Variants in NWD2 observed in about 807,000 individuals in gnomAD.
The protein encoded by NWD2 is NACHT and WD repeat domain containing 2, also known as NACHT and WD repeat domain-containing protein 2.
A neutral mutation model predicts 132.7 loss-of-function variants in NWD2; 37 were observed. The observed-to-expected ratio is 0.28, with a 90% CI of 0.21 to 0.37. The LOEUF (loss-of-function observed/expected upper bound fraction) is 0.37. Ranked by LOEUF, NWD2 falls within the 10% of genes least tolerant of loss-of-function variation. The pLI, the probability that NWD2 is intolerant of heterozygous loss-of-function variation, is 1.00. For missense variants in NWD2, 1,592 were observed against 2,122.4 expected (o/e 0.75, Z 4.91); for synonymous variants, 705 against 803.0 (o/e 0.88, Z 2.06).
At chr4:37,250,008 T>C (rs7669853) in intron 1 of NWD2, among the ~76,000 whole-genome samples, 33,616 of 152,182 alleles carry the variant, frequency 0.22, 3,816 homozygotes, top group South Asian at 0.37. Context: ...GGCAGACATA[T>C]CTGCATTAAG....
chr4:37,294,010 T>C (rs368156750), intron 1 of NWD2, among the ~76,000 whole-genome samples: 1 of 152,132 alleles, frequency 6.6e-6, no homozygotes, highest in African/African-American at 2.4e-5. Context: ...CTATAGGCTA[T>C]AGTAAGAAGA....
At chr4:37,283,504 A>C (rs1477723655) in intron 1 of NWD2, among the ~76,000 whole-genome samples, 2 of 152,202 alleles carry the variant, frequency 1.3e-5, no homozygotes, top group African/African-American at 4.8e-5. Flanking sequence ...TACACTTATT[A>C]CTACAGTTTA....
Position 37,444,206 on chromosome 4 carries a change from A to AT in NWD2, c.2219dup (p.Ala741SerfsTer9). ...CTGGGCCAACAGACACCTGCAGCTC[A>AT]TAGCCCAGAAGCTATATCTGCAGGA... is the stretch of plus-strand genomic sequence containing the variant. On this transcript the variant is annotated frameshift_variant, in exon 7 of 7. Coordinates refer to ENST00000309447, the MANE Select transcript of NWD2 (RefSeq NM_001144990.2). LOFTEE classifies it high-confidence loss of function. This position sits in a 1 kb window ranked among gnomAD's most constrained non-coding sequence, Gnocchi z 4.8. 6.5e-7 allele frequency: 1 copy of AT among 1,549,346 alleles called. No individual in the cohort carries two copies. Among genetic ancestry groups the AT allele is most frequent in the Non-Finnish European group, 8.7e-7 (1 of 1,144,830 alleles).
At chr4:37,368,761 G>A (rs527241325) in intron 3 of NWD2, among the ~76,000 whole-genome samples, 1 of 152,098 alleles carries the variant, frequency 6.6e-6, no homozygotes, top group Non-Finnish European at 1.5e-5. Context: ...GTTAGTGACA[G>A]GGCATTATGG....
intron 5 of NWD2, among the ~76,000 whole-genome samples, chr4:37,437,911 G>A (rs916598446): frequency 2.0e-5 from 3 of 152,108 alleles, no homozygotes; most frequent in African/African-American, 7.2e-5. Flanking sequence ...TATTATAACA[G>A]TGACATAGAT....
At chr4:37,309,257 G>A (rs542900205) in intron 1 of NWD2, among the ~76,000 whole-genome samples, 3 of 152,282 alleles carry the variant, frequency 2.0e-5, no homozygotes, top group African/African-American at 7.2e-5. Context: ...GAGTGCACAC[G>A]AGCATGTGGC....
chr4:37,320,478 A>C (rs1018698475), intron 1 of NWD2, among the ~76,000 whole-genome samples: 1 of 152,214 alleles, frequency 6.6e-6, no homozygotes, highest in African/African-American at 2.4e-5. Context: ...TCAAGCAAAT[A>C]GACTTTTTGC....
chr4:37,291,340 T>G (rs1718356029), intron 1 of NWD2, among the ~76,000 whole-genome samples: 1 of 152,162 alleles, frequency 6.6e-6, no homozygotes, highest in Admixed American at 6.6e-5. Context: ...GAAAAAAATC[T>G]ACGGTGATTC....
At chr4:37,247,924 G>A (rs1214079361) in intron 1 of NWD2, among the ~76,000 whole-genome samples, 1 of 152,042 alleles carries the variant, frequency 6.6e-6, no homozygotes, top group African/African-American at 2.4e-5. Context: ...AATTTCTTTA[G>A]AATGAAAAAA....
At chr4:37,248,101 A>T (rs1717282072) in intron 1 of NWD2, among the ~76,000 whole-genome samples, 2 of 152,192 alleles carry the variant, frequency 1.3e-5, no homozygotes, top group South Asian at 4.1e-4. Context: ...AGAGTGAAAG[A>T]GTAGAGCCTA....
chr4:37,385,264 A>G (rs1577686085), intron 3 of NWD2, among the ~76,000 whole-genome samples: 1 of 152,146 alleles, frequency 6.6e-6, no homozygotes, highest in African/African-American at 2.4e-5. Context: ...TAAATATTAC[A>G]TCTTTCTTTC....
In NWD2 at chr4:37,444,597, T is replaced by C. The variant is rs574191800; in HGVS notation, c.2609T>C (p.Phe870Ser). The change falls in exon 7 of 7, where the codon TTT becomes TCT. Residue 870 changes from phenylalanine (F) to serine (S), a missense_variant. Phe to Ser is a radical substitution (Grantham distance 155). Coordinates refer to ENST00000309447, the MANE Select transcript of NWD2 (RefSeq NM_001144990.2). The surrounding 1 kb of genome is among the most constrained non-coding windows in gnomAD (Gnocchi z 4.8). ...WLYTMIKIGQFDKVLSDIELA... is the reference protein window; with the variant it reads ...WLYTMIKIGQSDKVLSDIELA... ...TATACCATGATCAAAATTGGCCAGT[T>C]TGACAAAGTGCTTTCAGACATTGAG... The C allele has an allele frequency of 2.6e-6, 4 of 1,552,016 alleles. No homozygotes were observed. The highest frequency in any genetic ancestry group is 2.4e-5 in the East Asian group (1 of 40,920).
chr4:37,410,184 C>T (rs923992277), intron 3 of NWD2, among the ~76,000 whole-genome samples: 3 of 152,088 alleles, frequency 2.0e-5, no homozygotes, highest in East Asian at 1.9e-4. Context: ...GAGCTAAATG[C>T]CCCAGTTAGA....
rs1577705416 is a variant in NWD2 at position 37,446,182 on chromosome 4, G to A, written c.4194G>A (p.Gln1398=). 6.4e-7 allele frequency: 1 copy of A among 1,551,736 alleles called. No homozygotes were observed. Among genetic ancestry groups the A allele is most frequent in the East Asian group, 2.4e-5 (1 of 40,924 alleles). ...AAAACCTTTTTCGAATTAACGGGCA[G>A]AGAATATCTCAGCTGCTGATTACAC... The part of the protein sequence containing the change: ...SGENLFRING[Q]RISQLLITHN... Residue 1398 remains glutamine (Q), a synonymous_variant, in exon 7 of 7, where the codon CAG becomes CAA. Coordinates refer to ENST00000309447, the MANE Select transcript of NWD2 (RefSeq NM_001144990.2). This position sits in a 1 kb window ranked among gnomAD's most constrained non-coding sequence, Gnocchi z 6.7.
At chr4:37,252,553 T>A (rs1252561537) in intron 1 of NWD2, among the ~76,000 whole-genome samples, 1 of 152,182 alleles carries the variant, frequency 6.6e-6, no homozygotes, top group Non-Finnish European at 1.5e-5. Context: ...CTGTGGTTGG[T>A]ATTTTGGGCA....
chr4:37,258,943 C>G (rs1717574659), intron 1 of NWD2, among the ~76,000 whole-genome samples: 1 of 152,190 alleles, frequency 6.6e-6, no homozygotes, highest in South Asian at 2.1e-4. Context: ...CAGACCCATG[C>G]TGTGGAGACT....
intron 1 of NWD2, among the ~76,000 whole-genome samples, chr4:37,290,005 G>A (rs886393171): frequency 1.8e-4 from 27 of 151,954 alleles, no homozygotes; most frequent in African/African-American, 6.5e-4. Flanking sequence ...AGGCTATTTC[G>A]CTTCTCTTCT....
At position 37,446,113 on chromosome 4, in the gene NWD2, A is replaced by G. The variant is rs1577705395; in HGVS notation, c.4125A>G (p.Ser1375=). The G allele has an allele frequency of 6.4e-7, 1 of 1,551,692 alleles. No individual in the cohort carries two copies. The part of the protein sequence containing the change: ...LTSTGDIMVT[S]DDKSSQYVWH... ...CCACCGGAGATATAATGGTGACATCAGATGACAAAAGCAGCCAGTATGTCT... is the reference window on the plus strand; with the variant it reads ...CCACCGGAGATATAATGGTGACATCGGATGACAAAAGCAGCCAGTATGTCT... The change falls in exon 7 of 7, where the codon TCA becomes TCG. Residue 1375 remains serine (S), a synonymous_variant. Transcript: ENST00000309447. This position sits in a 1 kb window ranked among gnomAD's most constrained non-coding sequence, Gnocchi z 6.7.
intron 1 of NWD2, among the ~76,000 whole-genome samples, chr4:37,254,921 C>A (rs80191358): frequency 6.6e-6 from 1 of 152,126 alleles, no homozygotes; most frequent in African/African-American, 2.4e-5. Context: ...GAATTTCACT[C>A]GGATGAAACC....
Sources: gnomAD v4.1 joint callset for allele counts (sites outside exome capture counted in the v4.1 genomes callset) on GRCh38, gnomAD v4.1.1 for gene constraint, Gnocchi (gnomAD v3.1) non-coding constraint, MANE v1.5 for transcripts, NCBI Gene and HGNC (gene_info 2026-07-23, HGNC 2026-07-21) for gene names.